AAGAB: variants seen among roughly 807,000 people sequenced by gnomAD.
AAGAB encodes the protein alpha and gamma adaptin binding protein, also known as alpha- and gamma-adaptin-binding protein p34.
In AAGAB, 38 loss-of-function variants were observed where a neutral mutation model predicts 44.1. The observed-to-expected ratio is 0.86, with a 90% confidence interval of 0.67 to 1.13. The LOEUF (loss-of-function observed/expected upper bound fraction) is 1.13. AAGAB is among the 50% of genes most tolerant of loss of function. The pLI, the probability that AAGAB is intolerant of heterozygous loss-of-function variation, is 0.00. For missense variants in AAGAB, 450 were observed against 373.8 expected (o/e 1.20, Z -1.68); for synonymous variants, 131 against 131.8 (o/e 0.99, Z 0.04).
intron 1 of AAGAB, among the ~76,000 whole-genome samples, chr15:67,243,908 C>T (rs1025029212): frequency 2.6e-5 from 4 of 152,030 alleles, no homozygotes; most frequent in Admixed American, 2.6e-4. Flanking sequence ...TGACAATTAA[C>T]CTTAGAAACT....
intron 1 of AAGAB, among the ~76,000 whole-genome samples, chr15:67,252,387 G>A (rs1296605281): frequency 6.6e-6 from 1 of 152,180 alleles, no homozygotes; most frequent in African/African-American, 2.4e-5. Flanking sequence ...TTATTCACTA[G>A]ATGGATATAT....
Position 67,231,886 on chromosome 15 carries a change from C to A in AAGAB, c.463G>T (p.Glu155Ter). Residue 155 changes from glutamate to a stop codon, truncating the protein, a stop_gained, in exon 5 of 10, where the codon GAA becomes TAA. Transcript: ENST00000261880. LOFTEE classifies it high-confidence loss of function. ...ELPEEDDDFPESTGVKRIVQA... is the reference protein window; with the variant it reads ...ELPEEDDDFP ...ACAATTCGCTTTACTCCTGTAGATT[C>A]TGGGAAGTCATCTAATCAGGGAGGG... 1 of 1,609,826 alleles carries A rather than the reference C, an allele frequency of 6.2e-7. No individual in the cohort carries two copies. Among genetic ancestry groups the A allele is most frequent in the East Asian group, 2.2e-5 (1 of 44,820 alleles).
At chr15:67,254,318 G>T in intron 1 of AAGAB, 1 of 1,133,514 alleles carries the variant, frequency 8.8e-7, no homozygotes. Context: ...TGAGCAGAGC[G>T]GGAAATCAGT....
chr15:67,210,829 C>T (rs747938777), intron 5 of AAGAB, among the ~76,000 whole-genome samples: 1 of 152,246 alleles, frequency 6.6e-6, no homozygotes, highest in Middle Eastern at 3.4e-3. Context: ...CACAGTAGTT[C>T]GAAAAACACT....
chr15:67,210,561 T>C (rs975558505), intron 5 of AAGAB, among the ~76,000 whole-genome samples: 1 of 151,816 alleles, frequency 6.6e-6, no homozygotes, highest in Non-Finnish European at 1.5e-5. Context: ...CAGATATGAA[T>C]GAAGCATCTA....
intron 5 of AAGAB, among the ~76,000 whole-genome samples, chr15:67,224,610 T>C (rs11071942): frequency 0.21 from 31,150 of 147,724 alleles, 3,966 homozygotes; most frequent in East Asian, 0.47. Flanking sequence ...TTGAGCAGTC[T>C]CACTCTGTTG....
chr15:67,254,865 C>A, upstream of AAGAB: 1 of 1,609,668 alleles, frequency 6.2e-7, no homozygotes, highest in Non-Finnish European at 8.5e-7. Flanking sequence ...GAAACCGCGC[C>A]TCCGCGGAGG....
chr15:67,215,913 T>C (rs1056183047), intron 5 of AAGAB, among the ~76,000 whole-genome samples: 6 of 152,198 alleles, frequency 3.9e-5, no homozygotes, highest in African/African-American at 1.4e-4. Context: ...ATAGTACTTA[T>C]TAAAGAAACA....
chr15:67,247,286 A>G lies in AAGAB; in HGVS notation c.73+7273T>C, dbSNP rs550418805. Among the ~76,000 whole-genome samples the G allele has an allele frequency of 6.6e-5, 10 of 152,332 alleles. No homozygotes were observed. The South Asian group carries it at 1.9e-3, about 28-fold the overall frequency. On this transcript the variant is annotated intron_variant, in intron 1 of 9. Transcript: ENST00000261880. ...CCACTGGAAGGAACCAATTCCAGACACACCTTGACCTTACAAAAAATGATT... is the reference window on the plus strand; with the variant it reads ...CCACTGGAAGGAACCAATTCCAGACGCACCTTGACCTTACAAAAAATGATT...
chr15:67,255,028 G>C (rs901456764), upstream of AAGAB: 22 of 1,388,770 alleles, frequency 1.6e-5, no homozygotes, highest in Middle Eastern at 1.8e-4. Context: ...ATTCACCGAC[G>C]CTCACCCATT....
chr15:67,229,636 G>C (rs964561471), intron 5 of AAGAB, among the ~76,000 whole-genome samples: 1 of 152,014 alleles, frequency 6.6e-6, no homozygotes, highest in Non-Finnish European at 1.5e-5. Flanking sequence ...AGAGGAAGGA[G>C]TACCTTATTA....
At chr15:67,237,697 T>A (rs6494638) in intron 1 of AAGAB, among the ~76,000 whole-genome samples, 68,516 of 151,942 alleles carry the variant, frequency 0.45, 15,908 homozygotes, top group Non-Finnish European at 0.52. Flanking sequence ...CCCATACCCA[T>A]AACCTCCACT....
At chr15:67,235,528 T>C (rs1027675880) in intron 4 of AAGAB, among the ~76,000 whole-genome samples, 1 of 152,168 alleles carries the variant, frequency 6.6e-6, no homozygotes. Flanking sequence ...GGATTAAATT[T>C]GGGGTCTATC....
At chr15:67,209,122 G>C (rs1480529030) in intron 6 of AAGAB, among the ~76,000 whole-genome samples, 1 of 152,164 alleles carries the variant, frequency 6.6e-6, no homozygotes, top group East Asian at 1.9e-4. Flanking sequence ...TGAGGACAGG[G>C]ACCTTGCCTC....
intron 5 of AAGAB, among the ~76,000 whole-genome samples, chr15:67,222,221 TGCACGCGCACGCGCGCGCGC>T (rs1287129340): frequency 8.6e-6 from 1 of 116,224 alleles, no homozygotes; most frequent in East Asian, 3.2e-4. Context: ...ACTACATGCA[TGCACGCGCACGCGCGCGCGC>T]GCACACACAC....
At chr15:67,240,159 C>A (rs752451691) in intron 1 of AAGAB, among the ~76,000 whole-genome samples, 15 of 152,264 alleles carry the variant, frequency 9.9e-5, no homozygotes, top group Non-Finnish European at 1.5e-4. Context: ...AATAGGGGCA[C>A]AATTATATAC....
intron 1 of AAGAB, among the ~76,000 whole-genome samples, chr15:67,251,514 CCA>C (rs1964872821): frequency 6.6e-6 from 1 of 152,114 alleles, no homozygotes; most frequent in Non-Finnish European, 1.5e-5. Context: ...TCCTGGCCTC[CCA>C]CAGTGTTGGA....
chr15:67,217,958 T>C (rs950081250), intron 5 of AAGAB, among the ~76,000 whole-genome samples: 15 of 152,214 alleles, frequency 9.9e-5, no homozygotes, highest in Non-Finnish European at 1.5e-5. Flanking sequence ...TAATAAATGA[T>C]CAATTCTTTA....
upstream of AAGAB, chr15:67,254,739 C>A: frequency 1.5e-6 from 2 of 1,357,758 alleles, no homozygotes; most frequent in South Asian, 2.5e-5. Flanking sequence ...CTCGGAATGA[C>A]CAGGCTGGCC....
Sources: allele counts gnomAD v4.1 joint callset (sites outside exome capture counted in the v4.1 genomes callset), GRCh38; gene constraint gnomAD v4.1.1; transcripts MANE v1.5; gene names NCBI Gene and HGNC (gene_info 2026-07-23, HGNC 2026-07-21).